NUP107: variants seen among roughly 807,000 people sequenced by gnomAD.
NUP107 encodes the protein nucleoporin 107, also known as nuclear pore complex protein Nup107.
In NUP107, 101 loss-of-function variants were observed where a neutral mutation model predicts 141.0. The ratio of observed to expected loss-of-function variants is 0.72; its 90% CI spans 0.61 to 0.84. The LOEUF is 0.84. NUP107 is among the 40% of genes least tolerant of loss of function. The pLI is 0.00. For missense variants in NUP107, 941 were observed against 1,102.7 expected, an observed-to-expected ratio of 0.85 and a Z score of 2.08; for synonymous variants, 319 against 363.9, an observed-to-expected ratio of 0.88 and a Z score of 1.41.
At chr12:68,715,366 C>T (rs1000784807) in intron 11 of NUP107, among the ~76,000 whole-genome samples, 5 of 152,074 alleles carry the variant, frequency 3.3e-5, no homozygotes, top group South Asian at 2.1e-4. Context: ...TGGTGGCGTG[C>T]ACCTATAATC....
At chr12:68,724,874 G>A (rs1467639752) in intron 17 of NUP107, among the ~76,000 whole-genome samples, 2 of 152,016 alleles carry the variant, frequency 1.3e-5, no homozygotes, top group Non-Finnish European at 2.9e-5. Flanking sequence ...TTAATATGAA[G>A]ATACAACAAA....
At chr12:68,696,767 G>A in intron 5 of NUP107, 52 bp from the exon 6 acceptor site, 2 of 936,028 alleles carry the variant, frequency 2.1e-6, no homozygotes, top group Non-Finnish European at 3.3e-6. Context: ...TTACCTAGAA[G>A]TACGTCACTT....
At chr12:68,739,838 A>G (rs1486048245) in intron 26 of NUP107, 1 of 91,518 alleles carries the variant, frequency 1.1e-5, no homozygotes, top group East Asian at 3.9e-4. Context: ...CTCCGTCTCA[A>G]AAAAAAAAAA....
chr12:68,701,846 T>C (rs1876345385), intron 7 of NUP107, among the ~76,000 whole-genome samples: 1 of 152,146 alleles, frequency 6.6e-6, no homozygotes, highest in Non-Finnish European at 1.5e-5. Context: ...AGTCTCACTC[T>C]GTTGCTCAGG....
At chr12:68,728,505 C>G (rs1020613260) in intron 20 of NUP107, among the ~76,000 whole-genome samples, 2 of 147,124 alleles carry the variant, frequency 1.4e-5, no homozygotes, top group African/African-American at 5.0e-5. Context: ...CTTACTGCAG[C>G]CTCCGCCTCC....
intron 10 of NUP107, among the ~76,000 whole-genome samples, chr12:68,710,716 A>G (rs2546516): frequency 0.22 from 32,786 of 151,316 alleles, 4,195 homozygotes; most frequent in East Asian, 0.3. Context: ...ACAAGATAAA[A>G]AAAGTAATAC....
chr12:68,698,746 A>G (rs575266684), intron 6 of NUP107, among the ~76,000 whole-genome samples: 1 of 152,200 alleles, frequency 6.6e-6, no homozygotes, highest in African/African-American at 2.4e-5. Flanking sequence ...CAAAACTTGG[A>G]AACAGTGACA....
At chr12:68,728,931 C>A (rs1004172281) in intron 20 of NUP107, among the ~76,000 whole-genome samples, 14 of 152,096 alleles carry the variant, frequency 9.2e-5, no homozygotes, top group Admixed American at 8.5e-4. Flanking sequence ...GTATATCAAG[C>A]AATTCACCTT....
intron 8 of NUP107, chr12:68,705,532 TAAAAAAAA>T (rs34838748): frequency 4.9e-6 from 1 of 205,468 alleles, no homozygotes; most frequent in Non-Finnish European, 9.6e-6. Flanking sequence ...AAGTATTCTT[TAAAAAAAA>T]AAAAAAAAAA....
intron 5 of NUP107, among the ~76,000 whole-genome samples, chr12:68,695,838 A>G (rs1876024658): frequency 6.6e-6 from 1 of 151,942 alleles, no homozygotes; most frequent in Non-Finnish European, 1.5e-5. Context: ...CCCTGTCTCT[A>G]CAGACTAATA....
intron 26 of NUP107, chr12:68,740,205 C>A (rs1362214453): frequency 6.6e-6 from 1 of 152,174 alleles, no homozygotes; most frequent in Non-Finnish European, 1.5e-5. Context: ...GGCACCCGGC[C>A]TCTTTAACAT....
intron 1 of NUP107, 45 bp from the exon 2 acceptor site, chr12:68,688,917 C>A: frequency 7.2e-7 from 1 of 1,396,526 alleles, no homozygotes; most frequent in Non-Finnish European, 1.0e-6. Flanking sequence ...TTTATAAATG[C>A]TATATTCTCG....
chr12:68,699,153 C>G (rs992566412), intron 6 of NUP107, among the ~76,000 whole-genome samples: 1 of 151,996 alleles, frequency 6.6e-6, no homozygotes, highest in Non-Finnish European at 1.5e-5. Flanking sequence ...GGTAGATTAC[C>G]TTAGGTCAGG....
intron 12 of NUP107, 117 bp from the exon 13 acceptor site, chr12:68,719,224 G>A (rs982588100): frequency 2.8e-5 from 20 of 714,888 alleles, no homozygotes; most frequent in African/African-American, 2.7e-4. Flanking sequence ...TCCATCCCTT[G>A]TAATGGGATG....
chr12:68,718,169 A>G (rs1398792008), intron 12 of NUP107, among the ~76,000 whole-genome samples: 1 of 152,166 alleles, frequency 6.6e-6, no homozygotes, highest in Non-Finnish European at 1.5e-5. Context: ...TGTATCAGAG[A>G]TGGATACAAG....
intron 8 of NUP107, chr12:68,705,712 T>C: frequency 1.5e-6 from 1 of 657,270 alleles, no homozygotes. Context: ...TTCCTACATG[T>C]GTGGGCCCAG....
At chr12:68,691,555 C>T (rs972318167) in intron 4 of NUP107, among the ~76,000 whole-genome samples, 18 of 152,100 alleles carry the variant, frequency 1.2e-4, no homozygotes, top group African/African-American at 3.9e-4. Context: ...CTATAGTAGC[C>T]GGGCATGGTG....
chr12:68,707,981 C>A (rs1008459069), intron 8 of NUP107, among the ~76,000 whole-genome samples: 1 of 151,936 alleles, frequency 6.6e-6, no homozygotes, highest in Admixed American at 6.6e-5. Flanking sequence ...CTCCCTTCTT[C>A]TTGGGAGGCT....
intron 8 of NUP107, chr12:68,706,084 G>T (rs1405509877): frequency 1.4e-5 from 11 of 776,968 alleles, no homozygotes; most frequent in Non-Finnish European, 2.6e-5. Context: ...TCTGCTGGCA[G>T]CTGTACACTC....
Sources: gnomAD v4.1 joint callset for allele counts (sites outside exome capture counted in the v4.1 genomes callset) on GRCh38, gnomAD v4.1.1 for gene constraint, MANE v1.5 for transcripts, NCBI Gene and HGNC (gene_info 2026-07-23, HGNC 2026-07-21) for gene names.